FUT8: variants seen among roughly 807,000 people sequenced by gnomAD.
FUT8 encodes fucosyltransferase 8.
FUT8 carries 29 observed loss-of-function variants against 71.3 expected under a neutral mutation model. That is an observed-to-expected ratio of 0.41 (90% CI 0.30 to 0.55). FUT8 has a LOEUF of 0.55. Ranked by LOEUF, FUT8 falls within the 20% of genes least tolerant of loss-of-function variation. The pLI, the probability that FUT8 is intolerant of heterozygous loss-of-function variation, is 0.34. For synonymous variants in FUT8, 254 were observed against 239.3 expected (o/e 1.06, Z -0.57); for missense variants, 544 against 702.1 (o/e 0.77, Z 2.55).
At chr14:65,462,974 C>T (rs1232087699) in intron 2 of FUT8, among the ~76,000 whole-genome samples, 2 of 152,108 alleles carry the variant, frequency 1.3e-5, no homozygotes, top group African/African-American at 4.8e-5. Context: ...TGTATGTAGC[C>T]CTTCCATCAC....
chr14:65,524,252 G>T (rs1223816959), intron 2 of FUT8, among the ~76,000 whole-genome samples: 1 of 152,116 alleles, frequency 6.6e-6, no homozygotes, highest in Non-Finnish European at 1.5e-5. Flanking sequence ...ATTTCATTGA[G>T]CAGTGGTTTG....
At chr14:65,659,190 TTTTG>T (rs1451901163) in intron 6 of FUT8, among the ~76,000 whole-genome samples, 1 of 151,294 alleles carries the variant, frequency 6.6e-6, no homozygotes, top group Non-Finnish European at 1.5e-5. Context: ...TTGTTTTTTG[TTTTG>T]TTTTTTTTTC....
At chr14:65,721,626 G>T in intron 7 of FUT8, 149 bp from the exon 8 acceptor site, 1 of 808,964 alleles carries the variant, frequency 1.2e-6, no homozygotes, top group Non-Finnish European at 2.0e-6. Context: ...CTGGTATTTC[G>T]AGCAAGTTAT....
chr14:65,538,981 A>T (rs912610756), intron 2 of FUT8, among the ~76,000 whole-genome samples: 1 of 152,128 alleles, frequency 6.6e-6, no homozygotes, highest in African/African-American at 2.4e-5. Flanking sequence ...AAATCCATTG[A>T]GTTTGGTGTA....
intron 2 of FUT8, among the ~76,000 whole-genome samples, chr14:65,481,615 AC>A (rs1275335228): frequency 4.0e-5 from 6 of 151,686 alleles, no homozygotes; most frequent in African/African-American, 1.5e-4. Flanking sequence ...CCCCACTACT[AC>A]CCATCCTTCC....
intron 7 of FUT8, among the ~76,000 whole-genome samples, chr14:65,706,998 G>A (rs776923566): frequency 1.1e-4 from 16 of 152,082 alleles, no homozygotes; most frequent in Non-Finnish European, 1.9e-4. Context: ...AGGTTGGTAT[G>A]GTGTATTCTT....
At chr14:65,622,910 GTTTTTT>G (rs33918554) in intron 5 of FUT8, among the ~76,000 whole-genome samples, 1 of 128,886 alleles carries the variant, frequency 7.8e-6, no homozygotes, top group Non-Finnish European at 1.6e-5. Context: ...GAGCTTCTCT[GTTTTTT>G]TTTTTTTTTT....
intron 7 of FUT8, among the ~76,000 whole-genome samples, chr14:65,714,418 A>ATTTTATTTATTT: frequency 7.5e-6 from 1 of 133,612 alleles, no homozygotes; most frequent in East Asian, 2.1e-4. Context: ...TTCCATATAA[A>ATTTTATTTATTT]TTTTATTTAT....
the FUT8 span, among the ~76,000 whole-genome samples, chr14:65,386,706 AT>A: frequency 2.7e-5 from 4 of 147,640 alleles, no homozygotes; most frequent in African/African-American, 5.0e-5. Flanking sequence ...TGATTAATTT[AT>A]TTTTTTCCTC....
intron 2 of FUT8, among the ~76,000 whole-genome samples, chr14:65,556,120 G>A (rs142623353): frequency 6.6e-5 from 10 of 152,282 alleles, no homozygotes; most frequent in South Asian, 2.1e-4. Context: ...GTAGTCATAT[G>A]TATTAATTAT....
rs538077687 is a variant in FUT8, at chr14:65,520,673, A to C, written c.-227-40664A>C. 3.0e-4 allele frequency among the ~76,000 whole-genome samples: 45 copies of C among 152,118 alleles called. 1 individual carries two copies. The South Asian group carries it at 6.4e-3, about 22-fold the overall frequency. The stretch of plus-strand genomic sequence containing the variant: ...AGTGTAGTTACTGGAGTTTCAAATC[A>C]TACGTAATTCAGTTTGAAAACTATG... On this transcript the variant is annotated intron_variant, in intron 2 of 10. Coordinates refer to ENST00000673929, the MANE Select transcript of FUT8 (RefSeq NM_001371533.1).
At chr14:65,375,589 C>T in the FUT8 span, among the ~76,000 whole-genome samples, 1 of 151,988 alleles carries the variant, frequency 6.6e-6, no homozygotes, top group South Asian at 2.1e-4. Context: ...CCTCTGCACT[C>T]CAGCCTGGGT....
chr14:65,412,135 G>A (rs940448829), upstream of FUT8: 17 of 456,620 alleles, frequency 3.7e-5, no homozygotes, highest in Admixed American at 1.2e-4. Context: ...CTCGTGGGGG[G>A]GGTCTTTCTC....
At position 65,638,406 on chromosome 14, in the gene FUT8, CT is replaced by C. The variant is rs201557787; in HGVS notation, c.597+8804del. Among the ~76,000 whole-genome samples, 1,993 of 147,060 alleles carry C rather than the reference CT, an allele frequency of 0.014. 17 individuals carry two copies. The highest frequency in any genetic ancestry group is 0.028 in the Middle Eastern group (8 of 286). On this transcript the variant is annotated intron_variant, in intron 6 of 10. Transcript: ENST00000673929. The surrounding 1 kb of genome is among the most constrained non-coding windows in gnomAD (Gnocchi z 4.5). ...GCTTTGGTTTATGTTTTGAATAGGA[CT>C]TTTACTGGAAATTGGTAGATTATTT...
chr14:65,604,848 T>C (rs1412250545), intron 3 of FUT8, among the ~76,000 whole-genome samples: 1 of 151,946 alleles, frequency 6.6e-6, no homozygotes, highest in Non-Finnish European at 1.5e-5. Context: ...TTCCTCACTT[T>C]CCAGAGGAAT....
At chr14:65,739,867 A>G (rs1896407006) in intron 10 of FUT8, among the ~76,000 whole-genome samples, 1 of 152,090 alleles carries the variant, frequency 6.6e-6, no homozygotes, top group African/African-American at 2.4e-5. Flanking sequence ...TGACATTTGT[A>G]AAACAAACAT....
chr14:65,409,235 A>C (rs566521911), upstream of FUT8, among the ~76,000 whole-genome samples: 46 of 152,374 alleles, frequency 3.0e-4, no homozygotes, highest in African/African-American at 1.1e-3. The surrounding 1 kb of genome is among the most constrained non-coding windows in gnomAD (Gnocchi z 5.4). Flanking sequence ...TAGAGCAACA[A>C]TTATAAAACA....
chr14:65,556,935 G>A (rs905358024), intron 2 of FUT8, among the ~76,000 whole-genome samples: 13 of 152,178 alleles, frequency 8.5e-5, no homozygotes, highest in Admixed American at 8.5e-4. Flanking sequence ...ACCTAGCTAT[G>A]ATGTAGCAGA....
chr14:65,588,659 T>A (rs926737273), intron 3 of FUT8, among the ~76,000 whole-genome samples: 19 of 152,218 alleles, frequency 1.2e-4, no homozygotes, highest in African/African-American at 4.3e-4. Context: ...TATCCATGGT[T>A]TTGCTTTCTG....
Sources: allele counts gnomAD v4.1 joint callset (sites outside exome capture counted in the v4.1 genomes callset), GRCh38; gene constraint gnomAD v4.1.1; non-coding constraint Gnocchi (gnomAD v3.1); transcripts MANE v1.5; gene names NCBI Gene and HGNC (gene_info 2026-07-23, HGNC 2026-07-21).